The following CSNK2A2 variants were observed in gnomAD, a reference collection of about 807,000 sequenced individuals.
CSNK2A2 encodes casein kinase 2 alpha 2, also known as casein kinase II subunit alpha'.
CSNK2A2 carries 8 observed loss-of-function variants against 54.0 expected under a neutral mutation model. That is an observed-to-expected ratio of 0.15 (90% CI 0.09 to 0.27). The LOEUF is 0.27. Among genes scored for constraint, CSNK2A2 ranks in the 10% least tolerant of loss-of-function variants. The pLI is 1.00. For synonymous variants in CSNK2A2, 141 were observed against 153.9 expected, an observed-to-expected ratio of 0.92 and a Z score of 0.62; for missense variants, 242 against 439.4, an observed-to-expected ratio of 0.55 and a Z score of 4.02.
chr16:58,173,329 A>G (rs1448311862), intron 5 of CSNK2A2, among the ~76,000 whole-genome samples: 1 of 152,242 alleles, frequency 6.6e-6, no homozygotes, highest in Admixed American at 6.5e-5. Context: ...AGTTCTTATA[A>G]AAACACATTC....
intron 11 of CSNK2A2, 54 bp downstream of exon 11, chr16:58,164,000 C>T (rs1341324112): frequency 7.3e-7 from 1 of 1,367,674 alleles, no homozygotes; most frequent in African/African-American, 1.4e-5. Flanking sequence ...AGTTTTCCTT[C>T]AAGGTTTGTG....
intron 4 of CSNK2A2, among the ~76,000 whole-genome samples, chr16:58,178,290 T>C (rs533517306): frequency 7.2e-5 from 11 of 152,148 alleles, no homozygotes; most frequent in African/African-American, 2.4e-4. Context: ...GCGCTTTTTT[T>C]TTCTTTCAAT....
At chr16:58,178,578 G>A (rs943556507) in intron 4 of CSNK2A2, among the ~76,000 whole-genome samples, 2 of 151,992 alleles carry the variant, frequency 1.3e-5, no homozygotes, top group African/African-American at 2.4e-5. Context: ...CACCGCACCC[G>A]GCCTGAGACA....
chr16:58,176,558 G>A lies in CSNK2A2; in HGVS notation c.370-2048C>T, dbSNP rs79610353. Among the ~76,000 whole-genome samples the A allele has an allele frequency of 5.4e-3, 829 of 152,158 alleles. 5 individuals carry two copies. Among genetic ancestry groups the A allele is most frequent in the African/African-American group, 0.019 (791 of 41,480 alleles). On this transcript the variant is annotated intron_variant, in intron 4 of 11. Transcript: ENST00000262506. ...GGGCCCAAAATTCAAGACTATGCAG[G>A]GTCCACAGTCTGGCTTCCTCCGACT...
intron 11 of CSNK2A2, 31 bp downstream of exon 11, chr16:58,164,023 G>T: frequency 6.4e-7 from 1 of 1,552,174 alleles, no homozygotes. Context: ...TGGTTGGTTG[G>T]TTTTATTGGC....
chr16:58,174,161 G>A (rs1379692837), intron 5 of CSNK2A2: 1 of 250,448 alleles, frequency 4.0e-6, no homozygotes, highest in Non-Finnish European at 7.5e-6. Flanking sequence ...TACATTCACA[G>A]TAGGTATTAA....
At chr16:58,178,901 G>C (rs555063958) in intron 4 of CSNK2A2, among the ~76,000 whole-genome samples, 1 of 151,978 alleles carries the variant, frequency 6.6e-6, no homozygotes, top group Non-Finnish European at 1.5e-5. Context: ...ACATTATATA[G>C]GTCACGTTCT....
chr16:58,192,447 T>TA (rs35731721), intron 2 of CSNK2A2, among the ~76,000 whole-genome samples: 35,801 of 142,138 alleles, frequency 0.25, 4,848 homozygotes, highest in African/African-American at 0.38. Context: ...CTCTATGGGT[T>TA]AAAAAAAAAA....
At chr16:58,163,857 C>T in intron 11 of CSNK2A2, 197 bp downstream of exon 11, 4 of 471,712 alleles carry the variant, frequency 8.5e-6, no homozygotes, top group South Asian at 3.3e-5. Context: ...AGGTGCATCC[C>T]CATGCTGCCA....
chr16:58,160,819 G>A (rs1302265518), intron 11 of CSNK2A2: 1 of 152,172 alleles, frequency 6.6e-6, no homozygotes, highest in Non-Finnish European at 1.5e-5. Flanking sequence ...CAAGGATTAC[G>A]AGTTTGTCTG....
chr16:58,169,302 G>A (rs534283113), intron 5 of CSNK2A2, among the ~76,000 whole-genome samples: 36 of 152,092 alleles, frequency 2.4e-4, no homozygotes, highest in Non-Finnish European at 4.4e-4. Context: ...CACTTTGGGA[G>A]GCCGAGGCAG....
chr16:58,188,360 C>T (rs961252241), intron 2 of CSNK2A2, among the ~76,000 whole-genome samples: 3 of 152,112 alleles, frequency 2.0e-5, no homozygotes, highest in Non-Finnish European at 2.9e-5. Context: ...TTTTCATTAA[C>T]GAGGGAGCTC....
At chr16:58,168,515 C>T in intron 6 of CSNK2A2, 95 bp downstream of exon 6, 1 of 989,766 alleles carries the variant, frequency 1.0e-6, no homozygotes, top group Middle Eastern at 2.2e-4. Context: ...AAAAAACCCA[C>T]CACGGGTCTA....
At chr16:58,160,331 A>C (rs1464105064) in intron 11 of CSNK2A2, 2 of 152,184 alleles carry the variant, frequency 1.3e-5, no homozygotes, top group African/African-American at 2.4e-5. Context: ...GTAGGAAATA[A>C]GTTTGCTTGT....
At chr16:58,191,213 G>A (rs1465531542) in intron 2 of CSNK2A2, among the ~76,000 whole-genome samples, 1 of 152,156 alleles carries the variant, frequency 6.6e-6, no homozygotes, top group Non-Finnish European at 1.5e-5. Flanking sequence ...AGGAAATGGG[G>A]GAGGGAGAAA....
intron 4 of CSNK2A2, among the ~76,000 whole-genome samples, chr16:58,182,333 T>C (rs1160232264): frequency 2.4e-5 from 3 of 123,564 alleles, no homozygotes; most frequent in Non-Finnish European, 4.7e-5. Context: ...ATCGAGACCA[T>C]CCTGGTTAAC....
chr16:58,180,078 C>CAAAAAAAA (rs71385152), intron 4 of CSNK2A2, among the ~76,000 whole-genome samples: 3 of 90,960 alleles, frequency 3.3e-5, no homozygotes, highest in African/African-American at 1.2e-4. Flanking sequence ...GACTCCTTCT[C>CAAAAAAAA]AAAAAAAAAA....
chr16:58,188,017 C>CT (rs1354249170), intron 2 of CSNK2A2, among the ~76,000 whole-genome samples: 1 of 146,370 alleles, frequency 6.8e-6, no homozygotes, highest in Non-Finnish European at 1.5e-5. Flanking sequence ...TAAAGCAAGA[C>CT]TTTTTTTGCC....
At chr16:58,168,505 A>G (rs1178572732) in intron 6 of CSNK2A2, 105 bp downstream of exon 6, 18 of 888,240 alleles carry the variant, frequency 2.0e-5, no homozygotes, top group Non-Finnish European at 3.0e-5. Context: ...AAAGTTTGCC[A>G]AAAAACCCAC....
Sources: allele counts gnomAD v4.1 joint callset (sites outside exome capture counted in the v4.1 genomes callset), GRCh38; gene constraint gnomAD v4.1.1; transcripts MANE v1.5; gene names NCBI Gene and HGNC (gene_info 2026-07-23, HGNC 2026-07-21).